FBLN5: variants seen among roughly 807,000 people sequenced by gnomAD.
FBLN5 encodes fibulin-5.
A neutral mutation model predicts 61.6 loss-of-function variants in FBLN5; 24 were observed. That is an observed-to-expected ratio of 0.39 (90% CI 0.28 to 0.55). FBLN5 has a LOEUF of 0.55. FBLN5 is among the 20% of genes least tolerant of loss of function. The probability of loss-of-function intolerance (pLI) is 0.65; values close to 1 mark genes in which losing one functional copy is unlikely to be tolerated. For missense variants in FBLN5, 470 were observed against 594.1 expected, an observed-to-expected ratio of 0.79 and a Z score of 2.17; for synonymous variants, 213 against 219.8, an observed-to-expected ratio of 0.97 and a Z score of 0.27.
At chr14:91,881,481 G>A (rs1889466082) in intron 8 of FBLN5, 63 bp from the exon 9 acceptor site, 4 of 1,594,112 alleles carry the variant, frequency 2.5e-6, no homozygotes, top group South Asian at 2.2e-5. Context: ...GACGCGTGGG[G>A]GTGGGGTAGG....
At position 91,942,918 on chromosome 14, in the gene FBLN5, C is replaced by T. The variant is rs778999697; in HGVS notation, c.61G>A (p.Gly21Arg). 2 of 1,546,510 alleles carry T rather than the reference C, an allele frequency of 1.3e-6. No individual in the cohort carries two copies. Among genetic ancestry groups the T allele is most frequent in the African/African-American group, 2.7e-5 (2 of 72,976 alleles). Residue 21 changes from glycine (G) to arginine (R), a missense_variant, in exon 2 of 11, where the codon GGG becomes AGG. By Grantham distance (125) the Gly-to-Arg change is moderately radical. Transcript: ENST00000342058. The part of the protein sequence containing the change: ...TILALCLPSP[G>R]NAQAQCTNGF... ...AATAAAAATCTTACCTGTGCATTCC[C>T]AGGGCTTGGAAGACAGAGAGCCAGA...
intron 4 of FBLN5, among the ~76,000 whole-genome samples, chr14:91,919,032 T>C (rs958663504): frequency 1.3e-5 from 2 of 151,822 alleles, no homozygotes; most frequent in African/African-American, 2.4e-5. Context: ...TCATTAAGGA[T>C]AAGAAAAAAG....
intron 4 of FBLN5, among the ~76,000 whole-genome samples, chr14:91,934,316 G>T (rs1036216045): frequency 1.3e-5 from 2 of 152,206 alleles, no homozygotes; most frequent in East Asian, 3.8e-4. Flanking sequence ...AAGCCTGAAT[G>T]GTTCAAATCA....
At chr14:91,923,977 AAAATTATTTGGG>A (rs2055783818) in intron 4 of FBLN5, among the ~76,000 whole-genome samples, 1 of 152,196 alleles carries the variant, frequency 6.6e-6, no homozygotes, top group African/African-American at 2.4e-5. Flanking sequence ...TGGGCTACAT[AAAATTATTTGGG>A]TTTCATATTT....
chr14:91,939,143 TC>T, intron 3 of FBLN5, among the ~76,000 whole-genome samples: 1 of 152,214 alleles, frequency 6.6e-6, no homozygotes, highest in South Asian at 2.1e-4. Flanking sequence ...GCTAAATACT[TC>T]CCCTAAGATG....
At chr14:91,934,682 T>C (rs1334206530) in intron 4 of FBLN5, among the ~76,000 whole-genome samples, 1 of 152,248 alleles carries the variant, frequency 6.6e-6, no homozygotes, top group East Asian at 1.9e-4. Flanking sequence ...GGATCAGAGC[T>C]GTGCTCTGGA....
intron 4 of FBLN5, among the ~76,000 whole-genome samples, chr14:91,910,492 G>T (rs1488557041): frequency 6.6e-6 from 1 of 152,100 alleles, no homozygotes; most frequent in Non-Finnish European, 1.5e-5. Context: ...ACTTGAAAAC[G>T]GTCAAGATAA....
chr14:91,875,356 T>C (rs374274730), intron 10 of FBLN5, among the ~76,000 whole-genome samples: 2 of 152,084 alleles, frequency 1.3e-5, no homozygotes, highest in Non-Finnish European at 2.9e-5. Context: ...GAAAGGCCCT[T>C]GTGTAAGGTC....
Position 91,882,146 on chromosome 14 carries a change from G to A in FBLN5, c.863-728C>T, listed in dbSNP as rs981869559. Among the ~76,000 whole-genome samples, 1 of 151,966 alleles carries A rather than the reference G, an allele frequency of 6.6e-6. No homozygotes were observed. Among genetic ancestry groups the A allele is most frequent in the Non-Finnish European group, 1.5e-5 (1 of 67,986 alleles). ...AACTCCAGCCTGGGCAACAGAGTGA[G>A]ACTCTGTCACAAAAAGAAAAAAAAG... On this transcript the variant is annotated intron_variant, in intron 8 of 10. Transcript: ENST00000342058. The surrounding 1 kb of genome is among the most constrained non-coding windows in gnomAD (Gnocchi z 4.9).
chr14:91,925,004 C>T (rs2055803923), intron 4 of FBLN5, among the ~76,000 whole-genome samples: 1 of 152,180 alleles, frequency 6.6e-6, no homozygotes, highest in South Asian at 2.1e-4. Flanking sequence ...TTCTTAAACC[C>T]CTCCTCCCAT....
intron 1 of FBLN5, among the ~76,000 whole-genome samples, chr14:91,946,148 A>T (rs2056180411): frequency 6.6e-6 from 1 of 151,896 alleles, no homozygotes; most frequent in Non-Finnish European, 1.5e-5. Flanking sequence ...TCTTGCCTCA[A>T]GCCCAGCCTC....
chr14:91,869,688 G>C lies in FBLN5; in HGVS notation c.*536C>G, dbSNP rs1888827952. On this transcript the variant is annotated 3_prime_UTR_variant, in exon 11 of 11. Transcript: ENST00000342058. ...ACTTCTTTTATGGTTGAAAATACCA[G>C]GCATGGTTTTGAAACACATTCTCTA... is the stretch of plus-strand genomic sequence containing the variant. The C allele has an allele frequency of 6.2e-6, 1 of 160,698 alleles. No individual in the cohort carries two copies. The highest frequency in any genetic ancestry group is 1.8e-4 in the South Asian group (1 of 5,612). 10.0% of individuals were successfully genotyped at this position (160,698 alleles called of 1,614,324 possible). A position where few individuals can be genotyped will look rare whatever the true frequency, so the allele number is the denominator to read the frequency against.
At chr14:91,884,181 C>T (rs1237696603) in intron 7 of FBLN5, among the ~76,000 whole-genome samples, 1 of 152,202 alleles carries the variant, frequency 6.6e-6, no homozygotes. Context: ...GTGCCTCTCA[C>T]ATCCCAGAAG....
chr14:91,899,104 C>G (rs1239086210), intron 4 of FBLN5, among the ~76,000 whole-genome samples: 1 of 151,850 alleles, frequency 6.6e-6, no homozygotes, highest in Non-Finnish European at 1.5e-5. Flanking sequence ...GCCCGGCCCC[C>G]ATTCATTCAT....
Position 91,882,873 on chromosome 14 carries a change from A to G in FBLN5, c.862+81T>C. 1.3e-6 allele frequency: 2 copies of G among 1,518,530 alleles called. No individual in the cohort carries two copies. The highest frequency in any genetic ancestry group is 1.8e-6 in the Non-Finnish European group (2 of 1,103,692). 94.1% of individuals were successfully genotyped at this position (1,518,530 alleles called of 1,614,324 possible). A position where few individuals can be genotyped will look rare whatever the true frequency, so the allele number is the denominator to read the frequency against. The stretch of plus-strand genomic sequence containing the variant: ...TTCCCAAAGCTGCACATGATTCCCC[A>G]GGTGAGGATATCCAGATGAGCCCCT... On this transcript the variant is annotated intron_variant, in intron 8 of 10. Coordinates refer to ENST00000342058, the MANE Select transcript of FBLN5 (RefSeq NM_006329.4). This position sits in a 1 kb window ranked among gnomAD's most constrained non-coding sequence, Gnocchi z 4.9.
chr14:91,899,004 A>T (rs1426415339), intron 4 of FBLN5, among the ~76,000 whole-genome samples: 1 of 151,796 alleles, frequency 6.6e-6, no homozygotes, highest in Non-Finnish European at 1.5e-5. Flanking sequence ...GGGTTTCACC[A>T]TGTTAGCCAG....
chr14:91,912,076 T>C (rs568082203), intron 4 of FBLN5, among the ~76,000 whole-genome samples: 1 of 152,396 alleles, frequency 6.6e-6, no homozygotes, highest in South Asian at 2.1e-4. Context: ...GTTATAAATG[T>C]TGTTGTACTA....
rs1051680716 is a variant in FBLN5, at chr14:91,946,795, C to T, written c.17+418G>A. On this transcript the variant is annotated intron_variant, in intron 1 of 10. Coordinates refer to ENST00000342058, the MANE Select transcript of FBLN5 (RefSeq NM_006329.4). The stretch of plus-strand genomic sequence containing the variant: ...CACAAACATAGAGCAAATCCAGCCC[C>T]GCGGTGTTCAGCTAGCCTGTCTGCT... 17 of 1,535,766 alleles carry T rather than the reference C, an allele frequency of 1.1e-5. No homozygotes were observed. The African/African-American group carries it at 1.8e-4, about 16-fold the overall frequency.
intron 5 of FBLN5, among the ~76,000 whole-genome samples, chr14:91,892,065 A>G (rs1890019530): frequency 6.6e-6 from 1 of 152,212 alleles, no homozygotes; most frequent in Non-Finnish European, 1.5e-5. Context: ...AAGCGGCGGC[A>G]CTGTGGGTGA....
Sources: allele counts gnomAD v4.1 joint callset (sites outside exome capture counted in the v4.1 genomes callset), GRCh38; gene constraint gnomAD v4.1.1; non-coding constraint Gnocchi (gnomAD v3.1); transcripts MANE v1.5; gene names NCBI Gene and HGNC (gene_info 2026-07-23, HGNC 2026-07-21).